Variants in PVT1 observed in about 807,000 individuals in gnomAD.
PVT1 encodes the protein Pvt1 oncogene.
intron 2 of PVT1, among the ~76,000 whole-genome samples, chr8:127,840,372 C>T (rs1296578637): frequency 6.6e-6 from 1 of 152,212 alleles, no homozygotes; most frequent in Non-Finnish European, 1.5e-5. Context: ...TCATGCCAGC[C>T]AGCCTGTAAA....
chr8:127,869,229 C>G (rs1459248891), intron 2 of PVT1, among the ~76,000 whole-genome samples: 2 of 152,024 alleles, frequency 1.3e-5, no homozygotes, highest in East Asian at 3.9e-4. Context: ...CTCCCAGGTT[C>G]CAGTGATTCT....
rs547203480 is a variant in PVT1, at chr8:128,055,709, T to C, written n.913-14451T>C. On this transcript the variant is annotated intron_variant and non_coding_transcript_variant, in intron 4 of 10. Transcript: ENST00000651587. ...GGAATCGGTGTGTGGCTGCATTAAA[T>C]TAGGAGTCTGGTGCTTCAGCTGGGG... Among the ~76,000 whole-genome samples, 3 of 152,318 alleles carry C rather than the reference T, an allele frequency of 2.0e-5. No individual in the cohort carries two copies. The South Asian group carries it at 6.2e-4, about 32-fold the overall frequency.
chr8:128,027,079 C>G (rs1265103979), intron 4 of PVT1, among the ~76,000 whole-genome samples: 1 of 152,142 alleles, frequency 6.6e-6, no homozygotes, highest in African/African-American at 2.4e-5. Flanking sequence ...ATGTGTGGAT[C>G]TCCCTCTGTT....
chr8:127,911,151 G>C (rs1335011486), intron 3 of PVT1, among the ~76,000 whole-genome samples: 1 of 152,180 alleles, frequency 6.6e-6, no homozygotes, highest in Non-Finnish European at 1.5e-5. Context: ...GGACTCAGAG[G>C]AGGTCAGACA....
At chr8:128,068,465 C>A (rs1813938852) in intron 4 of PVT1, among the ~76,000 whole-genome samples, 1 of 152,116 alleles carries the variant, frequency 6.6e-6, no homozygotes. Context: ...CCTCCCCCAT[C>A]AGGTTGCCAA....
intron 3 of PVT1, among the ~76,000 whole-genome samples, chr8:127,937,067 G>A (rs976808529): frequency 6.6e-6 from 1 of 152,142 alleles, no homozygotes; most frequent in Non-Finnish European, 1.5e-5. Context: ...CTAACCCCTC[G>A]GGCTTGCAGC....
chr8:127,949,298 T>C (rs989636290), intron 3 of PVT1, among the ~76,000 whole-genome samples: 2 of 151,608 alleles, frequency 1.3e-5, no homozygotes, highest in Non-Finnish European at 2.9e-5. Context: ...GCCTGGCCTA[T>C]GGGACACATT....
At chr8:127,979,468 G>A (rs373819196) in intron 3 of PVT1, among the ~76,000 whole-genome samples, 8 of 152,198 alleles carry the variant, frequency 5.3e-5, no homozygotes, top group South Asian at 2.1e-4. Flanking sequence ...AAACCTTTGC[G>A]ATGCAGGCTG....
intron 4 of PVT1, among the ~76,000 whole-genome samples, chr8:128,036,553 G>A (rs895477549): frequency 6.6e-6 from 1 of 152,178 alleles, no homozygotes; most frequent in African/African-American, 2.4e-5. Context: ...AGCGCTTCTG[G>A]GGGGCTGGGC....
chr8:127,840,152 T>C (rs1300128868), intron 2 of PVT1, among the ~76,000 whole-genome samples: 1 of 152,156 alleles, frequency 6.6e-6, no homozygotes, highest in Non-Finnish European at 1.5e-5. Flanking sequence ...CACAGGGCCT[T>C]TGGCTTTCTT....
chr8:127,800,546 TTTA>T (rs1308796600), intron 2 of PVT1, among the ~76,000 whole-genome samples: 2 of 152,076 alleles, frequency 1.3e-5, no homozygotes, highest in Non-Finnish European at 2.9e-5. Flanking sequence ...AGTTGCTATG[TTTA>T]TTATTATTAT....
At chr8:128,101,178 T>A (rs1814499710) in intron 6 of PVT1, 1 of 152,172 alleles carries the variant, frequency 6.6e-6, no homozygotes, top group African/African-American at 2.4e-5. Context: ...CCTATGAGCT[T>A]TGAATAAGAT....
At chr8:128,035,542 C>A (rs968428295) in intron 4 of PVT1, among the ~76,000 whole-genome samples, 4 of 152,172 alleles carry the variant, frequency 2.6e-5, no homozygotes, top group African/African-American at 9.7e-5. Context: ...TAAGACAGTG[C>A]AGGGTACAGA....
chr8:127,827,638 G>A (rs1035423916), intron 2 of PVT1, among the ~76,000 whole-genome samples: 1 of 152,102 alleles, frequency 6.6e-6, no homozygotes, highest in Non-Finnish European at 1.5e-5. Context: ...TTGCACGTCA[G>A]GGTTGAGCTG....
intron 4 of PVT1, among the ~76,000 whole-genome samples, chr8:128,065,521 G>GT (rs1431332451): frequency 2.0e-5 from 3 of 152,130 alleles, no homozygotes; most frequent in Non-Finnish European, 4.4e-5. Context: ...CACTCTGGCT[G>GT]TTTTTTTCCC....
rs188921412 is a variant in PVT1 at position 128,082,080 on chromosome 8, T to C, written n.1114+11719T>C. 5.3e-4 allele frequency among the ~76,000 whole-genome samples: 80 copies of C among 152,300 alleles called. 1 individual carries two copies. The highest frequency in any genetic ancestry group is 1.8e-3 in the African/African-American group (73 of 41,562). On this transcript the variant is annotated intron_variant and non_coding_transcript_variant, in intron 5 of 10. Coordinates refer to ENST00000651587, the Ensembl canonical transcript of PVT1. ...AGGCCACTATAGCTACAAAGTCTCA[T>C]AGGGTAATGAGTGATAATAGCAGTG...
At chr8:127,823,806 T>C (rs186841869) in intron 2 of PVT1, among the ~76,000 whole-genome samples, 185 of 152,376 alleles carry the variant, frequency 1.2e-3, no homozygotes, top group Non-Finnish European at 1.4e-3. Flanking sequence ...GGCTTGTCAA[T>C]GGCCTTCACT....
chr8:128,019,063 T>C (rs1009237504), intron 4 of PVT1, among the ~76,000 whole-genome samples: 13 of 152,198 alleles, frequency 8.5e-5, no homozygotes, highest in African/African-American at 3.1e-4. Flanking sequence ...GCATCAGCAA[T>C]GAGCAGCCGC....
chr8:127,928,772 CAG>C (rs879682416), intron 3 of PVT1, among the ~76,000 whole-genome samples: 1 of 152,192 alleles, frequency 6.6e-6, no homozygotes, highest in African/African-American at 2.4e-5. Flanking sequence ...GCGGTGGCTG[CAG>C]AGAGGGGCTG....
Sources: allele counts gnomAD v4.1 joint callset (sites outside exome capture counted in the v4.1 genomes callset), GRCh38; gene constraint gnomAD v4.1.1; transcripts MANE v1.5; gene names NCBI Gene and HGNC (gene_info 2026-07-23, HGNC 2026-07-21).